Variants in ITGB3 observed in about 807,000 individuals in gnomAD.
ITGB3 encodes the protein integrin subunit beta 3.
Under a neutral mutation model 85.8 loss-of-function variants are expected in ITGB3, and 48 were observed. The ratio of observed to expected loss-of-function variants is 0.56; its 90% CI spans 0.44 to 0.71. The LOEUF (loss-of-function observed/expected upper bound fraction) is 0.71, where lower values mean the gene tolerates loss of function less well. Ranked by LOEUF, ITGB3 falls within the 30% of genes least tolerant of loss-of-function variation. The pLI is 0.00. For missense variants in ITGB3, 861 were observed against 1,019.1 expected, an observed-to-expected ratio of 0.84 and a Z score of 2.11; for synonymous variants, 363 against 395.6, an observed-to-expected ratio of 0.92 and a Z score of 0.98.
chr17:47,301,388 G>C (rs1305076463), intron 12 of ITGB3, among the ~76,000 whole-genome samples: 1 of 152,192 alleles, frequency 6.6e-6, no homozygotes, highest in Admixed American at 6.5e-5. Flanking sequence ...CAGCTTCCTG[G>C]TGGGCGTGTT....
chr17:47,263,480 C>G (rs2065015562), intron 1 of ITGB3, among the ~76,000 whole-genome samples: 2 of 134,858 alleles, frequency 1.5e-5, no homozygotes, highest in African/African-American at 2.8e-5. Context: ...TCCCCGCCCC[C>G]CCCACCCCCA....
chr17:47,262,734 T>TA (rs2065012788), intron 1 of ITGB3, among the ~76,000 whole-genome samples: 1 of 152,182 alleles, frequency 6.6e-6, no homozygotes, highest in South Asian at 2.1e-4. Context: ...TTCTTCACTA[T>TA]ATCCTGTTAG....
At position 47,283,450 on chromosome 17, in the gene ITGB3, C is replaced by A; in HGVS notation, c.262C>A (p.Arg88=). Residue 88 remains arginine, a synonymous_variant, in exon 3 of 15, where the codon CGA becomes AGA. Coordinates refer to ENST00000559488, the MANE Select transcript of ITGB3 (RefSeq NM_000212.3). ...CATCGAGTTCCCAGTGAGTGAGGCC[C>A]GAGTACTAGAGGACAGGCCCCTCAG... ...ESIEFPVSEA[R]VLEDRPLSDK... 6.2e-7 allele frequency: 1 copy of A among 1,614,186 alleles called. No individual in the cohort carries two copies. The highest frequency in any genetic ancestry group is 8.5e-7 in the Non-Finnish European group (1 of 1,180,030).
Position 47,253,872 on chromosome 17 carries a change from G to T in ITGB3, c.11G>T (p.Arg4Leu). The change falls in exon 1 of 15, where the codon CGG (arginine) becomes CTG (leucine). Residue 4 changes from arginine (R) to leucine (L), a missense_variant. Transcript: ENST00000559488. MRA[R>L]PRPRPLWATV... ...CGGGAGGCGGACGAGATGCGAGCGC[G>T]GCCGCGGCCCCGGCCGCTCTGGGCG... The T allele has an allele frequency of 8.0e-7, 1 of 1,246,060 alleles. No individual in the cohort carries two copies. The highest frequency in any genetic ancestry group is 1.0e-6 in the Non-Finnish European group (1 of 995,912). The allele number at this position is 1,246,060 out of a possible 1,614,324, so 77.2% of individuals were successfully genotyped here. A position where few individuals can be genotyped will look rare whatever the true frequency, so the allele number is the denominator to read the frequency against.
At position 47,284,536 on chromosome 17, in the gene ITGB3, A is replaced by C. The variant is rs750179673; in HGVS notation, c.455A>C (p.Asp152Ala). ...ATGGACCTGTCTTACTCCATGAAGGATGATCTGTGGAGCATCCAGAACCTG... is the reference window on the plus strand; with the variant it reads ...ATGGACCTGTCTTACTCCATGAAGGCTGATCTGTGGAGCATCCAGAACCTG... ...YLMDLSYSMK[D>A]DLWSIQNLGT... The change falls in exon 4 of 15, where the codon GAT (aspartate) becomes GCT (alanine). Residue 152 changes from aspartate (D) to alanine (A), a missense_variant. Transcript: ENST00000559488. 6.2e-7 allele frequency: 1 copy of C among 1,614,182 alleles called. No homozygotes were observed. The highest frequency in any genetic ancestry group is 8.5e-7 in the Non-Finnish European group (1 of 1,180,026).
chr17:47,272,463 T>G (rs779239670), intron 1 of ITGB3, among the ~76,000 whole-genome samples: 8 of 152,050 alleles, frequency 5.3e-5, no homozygotes, highest in Non-Finnish European at 1.2e-4. Context: ...ATGGTGATCA[T>G]TTCCGTTTTT....
intron 1 of ITGB3, among the ~76,000 whole-genome samples, chr17:47,270,942 A>G (rs2065042178): frequency 6.6e-6 from 1 of 152,184 alleles, no homozygotes; most frequent in Non-Finnish European, 1.5e-5. Context: ...CATAATTTTG[A>G]GAAATGAGCT....
At chr17:47,265,900 A>G (rs2065023569) in intron 1 of ITGB3, among the ~76,000 whole-genome samples, 1 of 152,208 alleles carries the variant, frequency 6.6e-6, no homozygotes, top group Non-Finnish European at 1.5e-5. Flanking sequence ...GGTGATGCTT[A>G]CTGGAGCTTT....
rs2292864 is a variant in ITGB3 at position 47,290,315 on chromosome 17, C to T, written c.1125+41C>T. 0.11 allele frequency: 162,222 copies of T among 1,533,484 alleles called. 9,346 individuals are homozygous for T. Among genetic ancestry groups the T allele is most frequent in the East Asian group, 0.23 (10,268 of 44,460 alleles). 95.0% of individuals were successfully genotyped at this position (1,533,484 alleles called of 1,614,324 possible). On this transcript the variant is annotated intron_variant, in intron 8 of 14. Transcript: ENST00000559488. Reference sequence around the variant, plus strand: ...TGGGAATAGTCCCGCGGAGAGTCCACCTCATTTGGCTTACACAGCAGGGCT... The same window carrying T: ...TGGGAATAGTCCCGCGGAGAGTCCATCTCATTTGGCTTACACAGCAGGGCT...
intron 1 of ITGB3, among the ~76,000 whole-genome samples, chr17:47,270,159 G>A (rs888937590): frequency 6.6e-6 from 1 of 152,174 alleles, no homozygotes; most frequent in African/African-American, 2.4e-5. Flanking sequence ...GGGATTATGG[G>A]TACTACAGTT....
chr17:47,286,195 T>C, intron 4 of ITGB3, 65 bp from the exon 5 acceptor site: 1 of 1,583,606 alleles, frequency 6.3e-7, no homozygotes, highest in South Asian at 1.1e-5. Context: ...CTCTCTTTCC[T>C]CCCAATTCCC....
chr17:47,282,571 G>A (rs2065087602), intron 2 of ITGB3, among the ~76,000 whole-genome samples: 1 of 152,128 alleles, frequency 6.6e-6, no homozygotes, highest in Non-Finnish European at 1.5e-5. Context: ...ATTTACTCCT[G>A]TGCTCTTAGC....
intron 10 of ITGB3, 124 bp downstream of exon 10, chr17:47,292,692 CTAATCT>C (rs760180489): frequency 7.2e-5 from 71 of 983,192 alleles, no homozygotes; most frequent in Non-Finnish European, 1.0e-4. Context: ...TCAGTGGTTC[CTAATCT>C]TTTTGAGTAT....
chr17:47,300,182 G>A lies in ITGB3; in HGVS notation c.1914-296G>A, dbSNP rs117870402. Among the ~76,000 whole-genome samples the A allele has an allele frequency of 0.015, 2,355 of 152,250 alleles. 116 individuals are homozygous for A. The East Asian group carries it at 0.19, about 12-fold the overall frequency. On this transcript the variant is annotated intron_variant, in intron 11 of 14. Transcript: ENST00000559488. ...TTTATAGTTCTCAGAAATGGCATAGGGTTCACCATCCTGGCACAGCCCTGG... is the reference window on the plus strand; with the variant it reads ...TTTATAGTTCTCAGAAATGGCATAGAGTTCACCATCCTGGCACAGCCCTGG...
At chr17:47,296,605 G>T (rs1390425201) in intron 10 of ITGB3, among the ~76,000 whole-genome samples, 1 of 152,102 alleles carries the variant, frequency 6.6e-6, no homozygotes, top group Non-Finnish European at 1.5e-5. Flanking sequence ...TTCTCAACTG[G>T]GAGGAAGGAG....
chr17:47,307,723 A>G (rs2065194578), intron 14 of ITGB3, 86 bp downstream of exon 14: 2 of 1,269,628 alleles, frequency 1.6e-6, no homozygotes, highest in South Asian at 1.3e-5. Flanking sequence ...GGTCATGTTC[A>G]GCCAGTACCA....
chr17:47,284,695 A>G lies in ITGB3; in HGVS notation c.614A>G (p.Asp205Gly). 1 of 1,614,160 alleles carries G rather than the reference A, an allele frequency of 6.2e-7. No individual in the cohort carries two copies. Among genetic ancestry groups the G allele is most frequent in the Non-Finnish European group, 8.5e-7 (1 of 1,180,024 alleles). ...GAGGCCCTCGAAAACCCCTGCTATG[A>G]GTAAGTCCCTCCTCCAGACGCCAGG... The part of the protein sequence containing the change: ...PPEALENPCY[D>G]MKTTCLPMFG... Residue 205 changes from aspartate (D) to glycine (G), a missense_variant and splice_region_variant, in exon 4 of 15, where the codon GAT becomes GGT. By Grantham distance (94) the Asp-to-Gly change is moderately conservative (BLOSUM62 -1). Transcript: ENST00000559488.
intron 2 of ITGB3, among the ~76,000 whole-genome samples, chr17:47,281,677 A>G (rs2065084334): frequency 1.3e-5 from 2 of 152,148 alleles, no homozygotes. Flanking sequence ...AAGTGATAGG[A>G]TGGGCTCTGG....
chr17:47,297,383 C>A (rs1199329126), intron 10 of ITGB3, among the ~76,000 whole-genome samples: 1 of 152,158 alleles, frequency 6.6e-6, no homozygotes, highest in East Asian at 1.9e-4. Flanking sequence ...CATGGTGGAC[C>A]AGCTGGCCGG....
Sources: gnomAD v4.1 joint callset for allele counts (sites outside exome capture counted in the v4.1 genomes callset) on GRCh38, gnomAD v4.1.1 for gene constraint, MANE v1.5 for transcripts, NCBI Gene and HGNC (gene_info 2026-07-23, HGNC 2026-07-21) for gene names.